DMD: variants seen among roughly 807,000 people sequenced by gnomAD.
DMD encodes dystrophin.
Under a neutral mutation model 330.1 loss-of-function variants are expected in DMD, and 63 were observed. The observed-to-expected ratio is 0.19, with a 90% CI of 0.16 to 0.24. The LOEUF (loss-of-function observed/expected upper bound fraction) is 0.24, where lower values mean the gene tolerates loss of function less well. Ranked by LOEUF, DMD falls within the 10% of genes least tolerant of loss-of-function variation. DMD has a pLI of 1.00. For synonymous variants in DMD, 1,223 were observed against 959.8 expected, an observed-to-expected ratio of 1.27 and a Z score of -5.07; for missense variants, 3,344 against 2,684.1, an observed-to-expected ratio of 1.25 and a Z score of -5.43.
chrX:32,465,102 G>A (rs969517968), intron 23 of DMD, among the ~76,000 whole-genome samples: 5 of 111,431 alleles, frequency 4.5e-5, no homozygotes, highest in East Asian at 2.8e-4. Context: ...CCCTAAACCC[G>A]AACTTTCACA....
chrX:31,778,007 G>A (rs756663168), intron 50 of DMD, among the ~76,000 whole-genome samples: 1 of 111,833 alleles, frequency 8.9e-6, no homozygotes, highest in Non-Finnish European at 1.9e-5. Flanking sequence ...ATGAGCACAG[G>A]CCATTTCAAA....
intron 47 of DMD, among the ~76,000 whole-genome samples, chrX:31,904,126 G>A (rs1321364084): frequency 9.0e-6 from 1 of 111,457 alleles, no homozygotes; most frequent in Non-Finnish European, 1.9e-5. Flanking sequence ...AATCATGTAT[G>A]TATTAAAGTT....
At chrX:32,832,344 C>G (rs1272839643) in intron 4 of DMD, among the ~76,000 whole-genome samples, 3 of 111,143 alleles carry the variant, frequency 2.7e-5, no homozygotes, top group Non-Finnish European at 5.7e-5. Context: ...AAGGGAAATC[C>G]CATGCATTGA....
At chrX:32,373,579 A>G (rs565322628) in intron 34 of DMD, among the ~76,000 whole-genome samples, 1 of 112,105 alleles carries the variant, frequency 8.9e-6, no homozygotes, top group Non-Finnish European at 1.9e-5. Flanking sequence ...AATAATTTTT[A>G]TGTGTCCTGA....
At chrX:32,646,155 T>C (rs1219285921) in intron 9 of DMD, among the ~76,000 whole-genome samples, 1 of 111,612 alleles carries the variant, frequency 9.0e-6, no homozygotes, top group Admixed American at 9.6e-5. Context: ...TGGCCATATG[T>C]TTGCAGAGAT....
intron 15 of DMD, among the ~76,000 whole-genome samples, chrX:32,571,219 G>T (rs758434098): frequency 9.0e-6 from 1 of 111,368 alleles, no homozygotes; most frequent in Non-Finnish European, 1.9e-5. Flanking sequence ...GATAATCAGT[G>T]GTCACTCACT....
chrX:32,871,667 T>C (rs942404988), intron 2 of DMD, among the ~76,000 whole-genome samples: 1 of 111,511 alleles, frequency 9.0e-6, no homozygotes, highest in African/African-American at 3.3e-5. Context: ...CCAAAGGAAA[T>C]GTTTTTCAAC....
At chrX:31,148,377 T>A (rs1361505886) in intron 74 of DMD, among the ~76,000 whole-genome samples, 3 of 112,625 alleles carry the variant, frequency 2.7e-5, no homozygotes, top group African/African-American at 9.7e-5. Context: ...TCCAGGTCGA[T>A]ACATAATAGT....
At position 32,438,276 on chromosome X, in the gene DMD, T is replaced by G. The variant is rs1314755365; in HGVS notation, c.4036A>C (p.Thr1346Pro). The change falls in exon 29 of 79, where the codon ACA becomes CCA. Residue 1346 changes from threonine to proline, a missense_variant. By Grantham distance (38) the Thr-to-Pro change is conservative. Coordinates refer to ENST00000357033, the MANE Select transcript of DMD (RefSeq NM_004006.3). ...MDELINEELE[T>P]FNSRWRELHE... ...AGTTCCCTCCAACGAGAATTAAATG[T>G]CTCAAGTTCCTCATTGATTAGCTCA... The G allele has an allele frequency of 1.7e-6, 2 of 1,211,581 alleles. No individual in the cohort carries two copies. The highest frequency in any genetic ancestry group is 2.2e-5 in the Admixed American group (1 of 46,002).
At chrX:32,534,756 C>A (rs1320589671) in intron 17 of DMD, among the ~76,000 whole-genome samples, 2 of 111,077 alleles carry the variant, frequency 1.8e-5, no homozygotes, top group Non-Finnish European at 3.8e-5. Flanking sequence ...TCTTCATGAC[C>A]TCATCTAAAT....
intron 7 of DMD, among the ~76,000 whole-genome samples, chrX:32,744,588 C>T (rs761416877): frequency 4.9e-4 from 55 of 111,199 alleles, no homozygotes; most frequent in Non-Finnish European, 7.9e-4. Flanking sequence ...CTTCTTTACT[C>T]CCTCCCTCCA....
intron 43 of DMD, among the ~76,000 whole-genome samples, chrX:32,246,342 A>T (rs1448642377): frequency 3.9e-5 from 4 of 101,370 alleles, no homozygotes; most frequent in African/African-American, 1.4e-4. Flanking sequence ...AAGCTTTTTG[A>T]TGTGCTGCTG....
intron 52 of DMD, among the ~76,000 whole-genome samples, chrX:31,699,933 A>G (rs1301567136): frequency 9.0e-6 from 1 of 111,566 alleles, no homozygotes; most frequent in Non-Finnish European, 1.9e-5. Context: ...CACACCTGTA[A>G]TCCCAGCACT....
At chrX:31,883,668 T>G (rs2094108980) in intron 47 of DMD, among the ~76,000 whole-genome samples, 2 of 111,551 alleles carry the variant, frequency 1.8e-5, no homozygotes, top group Non-Finnish European at 3.8e-5. Flanking sequence ...TAGAATAAAC[T>G]GCTTTTACAT....
At chrX:32,653,439 C>G (rs141352471) in intron 9 of DMD, among the ~76,000 whole-genome samples, 8,129 of 111,370 alleles carry the variant, frequency 0.073, 727 homozygotes, top group African/African-American at 0.25. Flanking sequence ...GCTTGTTTTT[C>G]TCAGGTTTGT....
intron 44 of DMD, among the ~76,000 whole-genome samples, chrX:32,120,495 C>T (rs1361509180): frequency 1.2e-4 from 14 of 112,068 alleles, no homozygotes. Flanking sequence ...GACACTGATT[C>T]AGTAGGTTTG....
chrX:31,508,885 A>G (rs1367889791), intron 55 of DMD, among the ~76,000 whole-genome samples: 1 of 111,751 alleles, frequency 8.9e-6, no homozygotes, highest in East Asian at 2.8e-4. Context: ...AACTGGCTCA[A>G]GTTTTCAGCC....
chrX:32,665,684 A>G (rs940737298), intron 9 of DMD, among the ~76,000 whole-genome samples: 5 of 112,059 alleles, frequency 4.5e-5, no homozygotes, highest in African/African-American at 1.6e-4. Context: ...AACACGTCCA[A>G]GAAGAAATGG....
intron 7 of DMD, among the ~76,000 whole-genome samples, chrX:32,720,921 T>A (rs1002668607): frequency 1.8e-5 from 2 of 111,934 alleles, no homozygotes; most frequent in Non-Finnish European, 3.8e-5. Context: ...TGTCTATGTA[T>A]TCAACTTATA....
Sources: allele counts gnomAD v4.1 joint callset (sites outside exome capture counted in the v4.1 genomes callset), GRCh38; gene constraint gnomAD v4.1.1; transcripts MANE v1.5; gene names NCBI Gene and HGNC (gene_info 2026-07-23, HGNC 2026-07-21).